The following TRPC1 variants were observed in gnomAD, a reference collection of about 807,000 sequenced individuals.
TRPC1 encodes transient receptor potential cation channel subfamily C member 1.
A neutral mutation model predicts 88.2 loss-of-function variants in TRPC1; 42 were observed. The observed-to-expected ratio is 0.48, with a 90% confidence interval of 0.37 to 0.62. TRPC1 has a LOEUF of 0.62. TRPC1 is among the 20% of genes least tolerant of loss of function. TRPC1 has a pLI of 0.00. For synonymous variants in TRPC1, 288 were observed against 331.8 expected, an observed-to-expected ratio of 0.87 and a Z score of 1.43; for missense variants, 699 against 957.3, an observed-to-expected ratio of 0.73 and a Z score of 3.56.
intron 9 of TRPC1, among the ~76,000 whole-genome samples, chr3:142,795,281 C>T (rs917378467): frequency 1.3e-5 from 2 of 151,550 alleles, no homozygotes; most frequent in Non-Finnish European, 2.9e-5. Flanking sequence ...AAAGGAGAGA[C>T]CAAAAAAATT....
intron 4 of TRPC1, among the ~76,000 whole-genome samples, chr3:142,756,888 A>T (rs1438079977): frequency 3.9e-5 from 6 of 152,102 alleles, no homozygotes; most frequent in Non-Finnish European, 8.8e-5. Context: ...CCCTTCATAC[A>T]TCCCATTCTT....
chr3:142,781,161 T>C lies in TRPC1; in HGVS notation c.960+132T>C, dbSNP rs1188596974. On this transcript the variant is annotated intron_variant, in intron 6 of 12. Coordinates refer to ENST00000476941, the MANE Select transcript of TRPC1 (RefSeq NM_001251845.2). ...TTCCTAAAAATTGTGTGTCTTGGGA[T>C]AGTTATTGAATCTGTTTGAGCTTTT... The C allele has an allele frequency of 3.6e-5, 23 of 633,766 alleles. 2 individuals carry two copies. Among genetic ancestry groups the C allele is most frequent in the Non-Finnish European group, 4.1e-5 (17 of 414,708 alleles). The allele number at this position is 633,766 out of a possible 1,614,324, so 39.3% of individuals were successfully genotyped here.
chr3:142,786,991 G>A (rs1006223620), intron 7 of TRPC1, among the ~76,000 whole-genome samples: 1 of 152,086 alleles, frequency 6.6e-6, no homozygotes, highest in African/African-American at 2.4e-5. Flanking sequence ...TGCTGTCCCC[G>A]ATTTTCATAA....
rs369400269 is a variant in TRPC1 at position 142,763,593 on chromosome 3, C to T, written c.633-14039C>T. On this transcript the variant is annotated intron_variant, in intron 4 of 12. Transcript: ENST00000476941. ...ATAAGTGAAATGGATTCCTTGAAGG[C>T]AGCATATAGTTGGGTCTTATTTCTT... Among the ~76,000 whole-genome samples, 6 of 151,922 alleles carry T rather than the reference C, an allele frequency of 3.9e-5. 1 individual carries two copies. The East Asian group carries it at 1.2e-3, about 29-fold the overall frequency.
rs913389371 is a variant in TRPC1, at chr3:142,776,901, C to CA, written c.633-721dup. Among the ~76,000 whole-genome samples, 32 of 116,700 alleles carry CA rather than the reference C, an allele frequency of 2.7e-4. No individual in the cohort carries two copies. Among genetic ancestry groups the CA allele is most frequent in the African/African-American group, 3.3e-4 (10 of 30,584 alleles). 76.6% of individuals were successfully genotyped at this position (116,700 alleles called of 152,430 possible). ...CTGGTGACAGAGTGAGACTCCATCT[C>CA]AAAAAAAAAAGAAAAAAAAAGTATT... On this transcript the variant is annotated intron_variant, in intron 4 of 12. Coordinates refer to ENST00000476941, the MANE Select transcript of TRPC1 (RefSeq NM_001251845.2). This position sits in a 1 kb window ranked among gnomAD's most constrained non-coding sequence, Gnocchi z 4.1.
chr3:142,744,467 A>G (rs1422668932), intron 3 of TRPC1, among the ~76,000 whole-genome samples: 1 of 152,196 alleles, frequency 6.6e-6, no homozygotes, highest in Non-Finnish European at 1.5e-5. Context: ...AATTTTTAAA[A>G]GCCCATGTGA....
chr3:142,753,102 A>G (rs779459267), intron 4 of TRPC1, among the ~76,000 whole-genome samples: 10 of 152,194 alleles, frequency 6.6e-5, no homozygotes, highest in Non-Finnish European at 8.8e-5. Context: ...TTCAAATTAT[A>G]TGCTTGTTAA....
chr3:142,743,509 A>G lies in TRPC1; in HGVS notation c.352A>G (p.Ile118Val), dbSNP rs771108749. The change falls in exon 3 of 13, where the codon ATC becomes GTC. Residue 118 changes from isoleucine (I) to valine (V), a missense_variant. By Grantham distance (29) the Ile-to-Val change is conservative. Transcript: ENST00000476941. ...CQSADALLVA[I>V]DSEVVGAVDI... is the part of the protein sequence containing the mutation. ...GTCTGCAGATGCACTTTTGGTGGCAATCGACTCTGAAGTAGTGGGAGCTGT... is the reference window on the plus strand; with the variant it reads ...GTCTGCAGATGCACTTTTGGTGGCAGTCGACTCTGAAGTAGTGGGAGCTGT... The G allele has an allele frequency of 3.1e-5, 47 of 1,516,550 alleles. No individual in the cohort carries two copies. In the Middle Eastern group the frequency reaches 6.8e-4, roughly 22 times the overall value. The allele number at this position is 1,516,550 out of a possible 1,614,324, so 93.9% of individuals were successfully genotyped here.
intron 4 of TRPC1, among the ~76,000 whole-genome samples, chr3:142,762,250 G>A (rs1240322500): frequency 6.6e-6 from 1 of 151,924 alleles, no homozygotes; most frequent in Non-Finnish European, 1.5e-5. Flanking sequence ...TGCCCAGGCT[G>A]GTCTTGAACT....
intron 3 of TRPC1, among the ~76,000 whole-genome samples, chr3:142,747,173 C>T (rs185803204): frequency 6.6e-6 from 1 of 151,772 alleles, no homozygotes; most frequent in East Asian, 1.9e-4. Flanking sequence ...ACTGTTTATG[C>T]CAAAGATGTC....
chr3:142,760,757 C>T (rs1285833257), intron 4 of TRPC1, among the ~76,000 whole-genome samples: 4 of 151,980 alleles, frequency 2.6e-5, no homozygotes, highest in African/African-American at 9.7e-5. Flanking sequence ...CTATTTTTTT[C>T]ATCAGAGTTT....
intron 4 of TRPC1, among the ~76,000 whole-genome samples, chr3:142,757,515 G>T (rs1935017240): frequency 1.3e-5 from 2 of 152,026 alleles, no homozygotes; most frequent in Non-Finnish European, 2.9e-5. Flanking sequence ...GGATGAAGCT[G>T]GAAACCATCA....
intron 4 of TRPC1, among the ~76,000 whole-genome samples, chr3:142,761,553 G>T (rs1935184757): frequency 6.6e-6 from 1 of 152,030 alleles, no homozygotes; most frequent in African/African-American, 2.4e-5. Flanking sequence ...TTGGTTCCTT[G>T]TATGGTTTTG....
chr3:142,760,363 G>A (rs1935141859), intron 4 of TRPC1, among the ~76,000 whole-genome samples: 2 of 151,960 alleles, frequency 1.3e-5, no homozygotes, highest in East Asian at 1.9e-4. Flanking sequence ...ATATGTTCTC[G>A]GCACCTTTGT....
chr3:142,773,797 C>A (rs1021510435), intron 4 of TRPC1, among the ~76,000 whole-genome samples: 3 of 148,078 alleles, frequency 2.0e-5, no homozygotes, highest in Non-Finnish European at 3.0e-5. Context: ...AAGTCTATCC[C>A]CGCCCCCCTC....
chr3:142,780,242 G>C (rs1439891487), intron 5 of TRPC1, among the ~76,000 whole-genome samples: 1 of 152,172 alleles, frequency 6.6e-6, no homozygotes, highest in Non-Finnish European at 1.5e-5. Flanking sequence ...TCAAACCCAA[G>C]ATTCAAGGAA....
At chr3:142,747,887 T>G (rs530565647) in intron 3 of TRPC1, among the ~76,000 whole-genome samples, 25 of 152,284 alleles carry the variant, frequency 1.6e-4, no homozygotes, top group African/African-American at 5.5e-4. Flanking sequence ...ATTTTTATTT[T>G]TCTAATATAT....
intron 2 of TRPC1, among the ~76,000 whole-genome samples, chr3:142,742,096 G>A (rs1934373209): frequency 6.6e-6 from 1 of 151,494 alleles, no homozygotes; most frequent in Non-Finnish European, 1.5e-5. Flanking sequence ...CTGGGAGGCG[G>A]AGGTTGCAGT....
At chr3:142,769,952 C>T (rs912382896) in intron 4 of TRPC1, among the ~76,000 whole-genome samples, 1 of 152,002 alleles carries the variant, frequency 6.6e-6, no homozygotes, top group Admixed American at 6.6e-5. Context: ...CCTCATTGTT[C>T]TCTCCATTAT....
Sources: gnomAD v4.1 joint callset for allele counts (sites outside exome capture counted in the v4.1 genomes callset) on GRCh38, gnomAD v4.1.1 for gene constraint, Gnocchi (gnomAD v3.1) non-coding constraint, MANE v1.5 for transcripts, NCBI Gene and HGNC (gene_info 2026-07-23, HGNC 2026-07-21) for gene names.